BBC3: variants seen among roughly 807,000 people sequenced by gnomAD.
BBC3 encodes bcl-2-binding component 3.
BBC3 carries 5 observed loss-of-function variants against 18.2 expected under a neutral mutation model. The ratio of observed to expected loss-of-function variants is 0.27; its 90% CI spans 0.14 to 0.58. The LOEUF (loss-of-function observed/expected upper bound fraction) is 0.58, where lower values mean the gene tolerates loss of function less well. BBC3 is among the 20% of genes least tolerant of loss of function. The probability of loss-of-function intolerance (pLI) is 0.91; values close to 1 mark genes in which losing one functional copy is unlikely to be tolerated. For synonymous variants in BBC3, 119 were observed against 128.0 expected, an observed-to-expected ratio of 0.93 and a Z score of 0.47; for missense variants, 224 against 268.9, an observed-to-expected ratio of 0.83 and a Z score of 1.17.
chr19:47,229,637 C>T (rs2058885538), intron 1 of BBC3, among the ~76,000 whole-genome samples: 2 of 151,456 alleles, frequency 1.3e-5, no homozygotes. Context: ...GTGACAAGCC[C>T]CTCAGACCCA....
intron 3 of BBC3, among the ~76,000 whole-genome samples, chr19:47,223,392 C>A (rs1458827158): frequency 1.3e-5 from 2 of 152,048 alleles, no homozygotes; most frequent in African/African-American, 4.8e-5. Context: ...CATGGGGAAA[C>A]CCCGTCTCTA....
In BBC3 at chr19:47,221,433, C is replaced by G. The variant is rs542241792; in HGVS notation, c.*369G>C. The G allele has an allele frequency of 3.9e-4, 100 of 254,468 alleles. 6 individuals carry two copies. Among genetic ancestry groups the G allele is most frequent in the African/African-American group, 2.2e-3 (90 of 40,850 alleles). 15.8% of individuals were successfully genotyped at this position (254,468 alleles called of 1,614,324 possible). On this transcript the variant is annotated 3_prime_UTR_variant, in exon 4 of 4. Transcript: ENST00000439096. ...AGGAGCACCGAGAGGAGAGCCCCCC[C>G]CTCCCAGTGTCACCCCTGCAGCTGG...
chr19:47,225,855 G>C (rs62135089), intron 3 of BBC3, among the ~76,000 whole-genome samples: 1 of 152,186 alleles, frequency 6.6e-6, no homozygotes, highest in Admixed American at 6.5e-5. Context: ...AGGCCAACTC[G>C]AGAGATTTCC....
intron 3 of BBC3, among the ~76,000 whole-genome samples, chr19:47,224,183 TA>T (rs2058784147): frequency 6.6e-6 from 1 of 151,956 alleles, no homozygotes; most frequent in Non-Finnish European, 1.5e-5. Context: ...TAATCTCAGC[TA>T]CTTGGGAGGC....
In BBC3 at chr19:47,228,914, C is replaced by T. The variant is rs1275855162; in HGVS notation, c.-15-468G>A. Among the ~76,000 whole-genome samples, 1 of 152,014 alleles carries T rather than the reference C, an allele frequency of 6.6e-6. No homozygotes were observed. Among genetic ancestry groups the T allele is most frequent in the African/African-American group, 2.4e-5 (1 of 41,336 alleles). ...AAGGACTCACACGGGACTGGCCAGC[C>T]TGACCGCCCACCCCACCTCCCACTT... On this transcript the variant is annotated intron_variant, in intron 1 of 3. Coordinates refer to ENST00000439096, the MANE Select transcript of BBC3 (RefSeq NM_014417.5). The surrounding 1 kb of genome is among the most constrained non-coding windows in gnomAD (Gnocchi z 5.5).
rs1162809818 is a variant in BBC3, at chr19:47,221,038, C to T, written c.*764G>A. The T allele has an allele frequency of 4.0e-5, 6 of 150,858 alleles. No homozygotes were observed. The highest frequency in any genetic ancestry group is 2.0e-4 in the Admixed American group (3 of 15,080). 9.3% of individuals were successfully genotyped at this position (150,858 alleles called of 1,614,324 possible). A position where few individuals can be genotyped will look rare whatever the true frequency, so the allele number is the denominator to read the frequency against. On this transcript the variant is annotated 3_prime_UTR_variant, in exon 4 of 4. Coordinates refer to ENST00000439096, the MANE Select transcript of BBC3 (RefSeq NM_014417.5). The stretch of plus-strand genomic sequence containing the variant: ...CCCGTCTTCCCCCCAGCGCTTGGCC[C>T]TGGGGACTAAGGCTGGGGCGGCTTC...
intron 3 of BBC3, among the ~76,000 whole-genome samples, chr19:47,223,170 C>T (rs1000543433): frequency 1.3e-5 from 2 of 151,856 alleles, no homozygotes; most frequent in African/African-American, 4.8e-5. Context: ...ACTCCGGAGG[C>T]TGAGGCAGGA....
At chr19:47,226,943 T>G in intron 2 of BBC3, 189 bp from the exon 3 acceptor site, 1 of 477,700 alleles carries the variant, frequency 2.1e-6, no homozygotes. Flanking sequence ...GACGCCGCTC[T>G]GGGGTCACCT....
At chr19:47,227,042 C>T (rs2058836749) in intron 2 of BBC3, 1 of 322,036 alleles carries the variant, frequency 3.1e-6, no homozygotes, top group Non-Finnish European at 5.7e-6. Context: ...GCTTAACGAC[C>T]TCTATTTTCC....
chr19:47,225,282 A>T (rs1159665412), intron 3 of BBC3, among the ~76,000 whole-genome samples: 1 of 152,100 alleles, frequency 6.6e-6, no homozygotes, highest in Non-Finnish European at 1.5e-5. Context: ...TCCCAACCTC[A>T]AGTGAGCCAC....
chr19:47,224,838 A>G (rs2058792831), intron 3 of BBC3, among the ~76,000 whole-genome samples: 1 of 150,908 alleles, frequency 6.6e-6, no homozygotes, highest in African/African-American at 2.4e-5. Context: ...TCCTGGGTTC[A>G]AGAGATTCTC....
chr19:47,227,484 G>T (rs955336961), intron 2 of BBC3, among the ~76,000 whole-genome samples: 4 of 152,170 alleles, frequency 2.6e-5, no homozygotes, highest in African/African-American at 7.2e-5. Context: ...CTGAGTTAGG[G>T]AAGTTTTCTC....
chr19:47,226,435 C>A, intron 3 of BBC3, 129 bp downstream of exon 3: 1 of 880,778 alleles, frequency 1.1e-6, no homozygotes, highest in Non-Finnish European at 1.6e-6. Context: ...CACTTACCCC[C>A]CACCTGCCTG....
chr19:47,229,325 C>A (rs553377047), intron 1 of BBC3, among the ~76,000 whole-genome samples: 4 of 151,844 alleles, frequency 2.6e-5, no homozygotes, highest in Admixed American at 2.0e-4. Flanking sequence ...TACATCAACA[C>A]CCCCAAAACA....
chr19:47,228,576 C>T lies in BBC3; in HGVS notation c.-15-130G>A. 1.1e-6 allele frequency: 1 copy of T among 932,276 alleles called. No homozygotes were observed. The highest frequency in any genetic ancestry group is 1.4e-6 in the Non-Finnish European group (1 of 716,948). The allele number at this position is 932,276 out of a possible 1,614,324, so 57.8% of individuals were successfully genotyped here. On this transcript the variant is annotated intron_variant, in intron 1 of 3. Transcript: ENST00000439096. This position sits in a 1 kb window ranked among gnomAD's most constrained non-coding sequence, Gnocchi z 5.5. ...GTGTGCATGCGGAGGGGGTGACGGC[C>T]CCACAGAGACACGCCCAGCCGGGGG...
intron 1 of BBC3, among the ~76,000 whole-genome samples, chr19:47,229,642 G>T (rs546203064): frequency 2.0e-5 from 3 of 149,418 alleles, no homozygotes; most frequent in African/African-American, 7.4e-5. Flanking sequence ...AAGCCCCTCA[G>T]ACCCAACACA....
At chr19:47,232,630 C>CT (rs1568627430), upstream of BBC3, 1 of 1,518,798 alleles carries the variant, frequency 6.6e-7, no homozygotes, top group African/African-American at 1.4e-5. Flanking sequence ...CATTCCGTTT[C>CT]TTTTTCAGTT....
In BBC3 at chr19:47,226,570, C is replaced by T. The variant is rs758224511; in HGVS notation, c.459G>A (p.Glu153=). Reference sequence around the variant, plus strand: ...CCCCACCCCCAGCACTCACCCGCCGCTCGTACTGTGCGTTGAGGTCGTCCG... The same window carrying T: ...CCCCACCCCCAGCACTCACCCGCCGTTCGTACTGTGCGTTGAGGTCGTCCG... ...RMADDLNAQY[E]RRRQEEQQRH... The change falls in exon 3 of 4, where the codon GAG becomes GAA. Residue 153 remains glutamate (E), a synonymous_variant. Transcript: ENST00000439096. 16 of 1,572,144 alleles carry T rather than the reference C, an allele frequency of 1.0e-5. No individual in the cohort carries two copies. The East Asian group carries it at 4.0e-4, about 39-fold the overall frequency.
intron 3 of BBC3, 47 bp from the exon 4 acceptor site, chr19:47,221,965 G>C (rs2058757528): frequency 6.6e-7 from 1 of 1,510,548 alleles, no homozygotes; most frequent in Non-Finnish European, 9.0e-7. Flanking sequence ...ACTGAGTATG[G>C]TGATGGGAGT....
Sources: gnomAD v4.1 joint callset for allele counts (sites outside exome capture counted in the v4.1 genomes callset) on GRCh38, gnomAD v4.1.1 for gene constraint, Gnocchi (gnomAD v3.1) non-coding constraint, MANE v1.5 for transcripts, NCBI Gene and HGNC (gene_info 2026-07-23, HGNC 2026-07-21) for gene names.